ACSS3: variants seen among roughly 807,000 people sequenced by gnomAD.
ACSS3 encodes acyl-CoA synthetase short chain family member 3.
In ACSS3, 64 loss-of-function variants were observed where a neutral mutation model predicts 84.2. The observed-to-expected ratio is 0.76, with a 90% CI of 0.62 to 0.94. The LOEUF (loss-of-function observed/expected upper bound fraction) is 0.94. Among genes scored for constraint, ACSS3 ranks in the 40% least tolerant of loss-of-function variants. The pLI is 0.00. For missense variants in ACSS3, 815 were observed against 867.6 expected (o/e 0.94, Z 0.76); for synonymous variants, 317 against 310.1 (o/e 1.02, Z -0.23).
At position 81,259,084 on chromosome 12, in the gene ACSS3, A is replaced by G. The variant is rs1028503059; in HGVS notation, c.*4162A>G. On this transcript the variant is annotated 3_prime_UTR_variant, in exon 16 of 16. Transcript: ENST00000548058. ...TCCAGGTTAAATCATTCTTTTTTAC[A>G]TGATCAGAGGCAGGTTGTTCAGCTT... The G allele has an allele frequency of 6.0e-6, 1 of 167,302 alleles. No homozygotes were observed. The highest frequency in any genetic ancestry group is 2.4e-5 in the African/African-American group (1 of 41,494). 10.4% of individuals were successfully genotyped at this position (167,302 alleles called of 1,614,324 possible).
chr12:81,258,358 AAATGT>A lies in ACSS3; in HGVS notation c.*3443_*3447del, dbSNP rs1243780135. The stretch of plus-strand genomic sequence containing the variant: ...GTTAAATAAAAATAGACATCAAAAC[AAATGT>A]AATGTACGTGCAAACATAGCAAATT... On this transcript the variant is annotated 3_prime_UTR_variant, in exon 16 of 16. Transcript: ENST00000548058. 1.5e-4 allele frequency: 23 copies of A among 152,322 alleles called. No individual in the cohort carries two copies. The highest frequency in any genetic ancestry group is 2.5e-4 in the Non-Finnish European group (17 of 68,024). The allele number at this position is 152,322 out of a possible 1,614,324, so 9.4% of individuals were successfully genotyped here. A position where few individuals can be genotyped will look rare whatever the true frequency, so the allele number is the denominator to read the frequency against.
intron 11 of ACSS3, among the ~76,000 whole-genome samples, chr12:81,223,399 G>T (rs745856931): frequency 1.3e-5 from 2 of 152,022 alleles, no homozygotes; most frequent in African/African-American, 4.8e-5. Flanking sequence ...CAGTCACTGC[G>T]TTGCCATCTT....
chr12:81,241,777 T>A (rs1350168956), intron 13 of ACSS3, among the ~76,000 whole-genome samples: 1 of 152,098 alleles, frequency 6.6e-6, no homozygotes, highest in Admixed American at 6.5e-5. Context: ...TTTCTCCCAT[T>A]TTGTGGGTTG....
At chr12:81,153,407 CA>C (rs537765971) in intron 7 of ACSS3, among the ~76,000 whole-genome samples, 9,944 of 82,856 alleles carry the variant, frequency 0.12, 350 homozygotes, top group Admixed American at 0.18. Context: ...GACTCCATCT[CA>C]AAAAAAAAAA....
intron 7 of ACSS3, among the ~76,000 whole-genome samples, chr12:81,156,969 T>C (rs1593139066): frequency 6.6e-6 from 1 of 152,014 alleles, no homozygotes; most frequent in African/African-American, 2.4e-5. Flanking sequence ...TTTCAGAAAA[T>C]AGAAGAGGAG....
chr12:81,161,326 CGGT>C (rs1280043540), intron 7 of ACSS3, among the ~76,000 whole-genome samples: 2 of 152,132 alleles, frequency 1.3e-5, no homozygotes, highest in Non-Finnish European at 2.9e-5. Flanking sequence ...GGAGAAAACT[CGGT>C]GGTCTCTCCC....
intron 8 of ACSS3, among the ~76,000 whole-genome samples, chr12:81,179,271 C>CAAAAAAAAAA (rs71098127): frequency 3.1e-4 from 21 of 66,786 alleles, no homozygotes; most frequent in Middle Eastern, 0.015. Context: ...AAGTAATTGC[C>CAAAAAAAAAA]AAAAAAAAAA....
At chr12:81,213,883 TC>T (rs1479819879) in intron 9 of ACSS3, among the ~76,000 whole-genome samples, 4 of 121,730 alleles carry the variant, frequency 3.3e-5, no homozygotes, top group Non-Finnish European at 5.5e-5. Context: ...TTTCTTTCTT[TC>T]CTTTCTTTCT....
chr12:81,170,625 G>A (rs2029961484), intron 7 of ACSS3, among the ~76,000 whole-genome samples: 1 of 152,044 alleles, frequency 6.6e-6, no homozygotes, highest in Non-Finnish European at 1.5e-5. Context: ...GAGCTTTAAA[G>A]TTGGTATTTT....
intron 9 of ACSS3, chr12:81,199,796 G>T (rs2032017807): frequency 1.4e-6 from 1 of 694,254 alleles, no homozygotes; most frequent in Non-Finnish European, 2.2e-6. Flanking sequence ...TTGAGCTCTG[G>T]CAGCTGCATT....
chr12:81,102,077 G>T (rs1882559425), intron 1 of ACSS3, among the ~76,000 whole-genome samples: 1 of 149,446 alleles, frequency 6.7e-6, no homozygotes, highest in Non-Finnish European at 1.5e-5. Flanking sequence ...ACATATTCTA[G>T]CACATACATA....
Position 81,213,957 on chromosome 12 carries a change from C to CTATTTCTTTCTTTCTT in ACSS3, c.1355-2943_1355-2942insATTTCTTTCTTTCTTT, listed in dbSNP as rs1165408959. On this transcript the variant is annotated intron_variant, in intron 9 of 15. Coordinates refer to ENST00000548058, the MANE Select transcript of ACSS3 (RefSeq NM_024560.4). ...CCTTTCTCTCTCTCTCTCCCTCTCTCTCTTTCTTTCTTTCTTTCTTTCTTT... is the reference window on the plus strand; with the variant it reads ...CCTTTCTCTCTCTCTCTCCCTCTCTCTATTTCTTTCTTTCTTTCTTTCTTTCTTTCTTTCTTTCTTT... Among the ~76,000 whole-genome samples, 4 of 49,146 alleles carry CTATTTCTTTCTTTCTT rather than the reference C, an allele frequency of 8.1e-5. 1 individual carries two copies. In the East Asian group the frequency reaches 1.8e-3, roughly 22 times the overall value. The allele number at this position is 49,146 out of a possible 152,430, so 32.2% of individuals were successfully genotyped here.
chr12:81,106,996 G>A (rs902549992), intron 1 of ACSS3, among the ~76,000 whole-genome samples: 1 of 151,994 alleles, frequency 6.6e-6, no homozygotes, highest in Non-Finnish European at 1.5e-5. Context: ...ATGGAGCTGT[G>A]GGGGTGGGGG....
At chr12:81,126,755 T>C (rs1265841317) in intron 2 of ACSS3, among the ~76,000 whole-genome samples, 1 of 152,168 alleles carries the variant, frequency 6.6e-6, no homozygotes, top group Non-Finnish European at 1.5e-5. Context: ...AATAATTATC[T>C]ATTTCACTTT....
intron 4 of ACSS3, among the ~76,000 whole-genome samples, chr12:81,141,228 A>C (rs1282770974): frequency 6.6e-6 from 1 of 152,030 alleles, no homozygotes; most frequent in Non-Finnish European, 1.5e-5. Flanking sequence ...CCTTTCCTCT[A>C]TTGTGATATA....
intron 1 of ACSS3, among the ~76,000 whole-genome samples, chr12:81,105,417 C>G (rs145562042): frequency 9.3e-4 from 142 of 152,026 alleles, no homozygotes; most frequent in African/African-American, 3.4e-3. Context: ...TGAACTGGAG[C>G]AGAGAAAAAA....
At chr12:81,188,211 A>G (rs1452575548) in intron 8 of ACSS3, among the ~76,000 whole-genome samples, 1 of 152,032 alleles carries the variant, frequency 6.6e-6, no homozygotes, top group African/African-American at 2.4e-5. Flanking sequence ...TTAGTAAATA[A>G]TGAAACTGAT....
intron 13 of ACSS3, among the ~76,000 whole-genome samples, chr12:81,245,334 C>T (rs892124825): frequency 1.1e-4 from 17 of 152,112 alleles, no homozygotes; most frequent in Admixed American, 4.6e-4. Context: ...TGGTGGTGGG[C>T]GACTGTAGTC....
At position 81,169,427 on chromosome 12, in the gene ACSS3, G is replaced by A. The variant is rs183246668; in HGVS notation, c.1099-5361G>A. On this transcript the variant is annotated intron_variant, in intron 7 of 15. Coordinates refer to ENST00000548058, the MANE Select transcript of ACSS3 (RefSeq NM_024560.4). ...AAATAATGTGAGTTATAGAGAAAGG[G>A]GCATTGAGAAAGAAAAGGCCCATTT... is the stretch of plus-strand genomic sequence containing the variant. Among the ~76,000 whole-genome samples the A allele has an allele frequency of 3.4e-4, 52 of 152,120 alleles. 1 individual carries two copies. The highest frequency in any genetic ancestry group is 1.2e-3 in the African/African-American group (51 of 41,492).
Sources: allele counts gnomAD v4.1 joint callset (sites outside exome capture counted in the v4.1 genomes callset), GRCh38; gene constraint gnomAD v4.1.1; transcripts MANE v1.5; gene names NCBI Gene and HGNC (gene_info 2026-07-23, HGNC 2026-07-21).